Variants in SORCS3 observed in about 807,000 individuals in gnomAD.
The protein encoded by SORCS3 is VPS10 domain-containing receptor SorCS3.
SORCS3 carries 57 observed loss-of-function variants against 146.3 expected under a neutral mutation model. That is an observed-to-expected ratio of 0.39 (90% CI 0.31 to 0.49). The LOEUF is 0.49. Among genes scored for constraint, SORCS3 ranks in the 20% least tolerant of loss-of-function variants. SORCS3 has a pLI of 0.92. For synonymous variants in SORCS3, 653 were observed against 618.5 expected, an observed-to-expected ratio of 1.06 and a Z score of -0.83; for missense variants, 1,341 against 1,575.5, an observed-to-expected ratio of 0.85 and a Z score of 2.52.
chr10:104,815,225 C>G (rs898566540), intron 1 of SORCS3, among the ~76,000 whole-genome samples: 2 of 152,048 alleles, frequency 1.3e-5, no homozygotes, highest in Non-Finnish European at 2.9e-5. Context: ...TTCAGGAGAC[C>G]GAGGCCAGTG....
At chr10:105,131,587 A>G (rs192968466) in intron 7 of SORCS3, among the ~76,000 whole-genome samples, 1 of 152,292 alleles carries the variant, frequency 6.6e-6, no homozygotes, top group Non-Finnish European at 1.5e-5. Flanking sequence ...CCGTGGGTGC[A>G]TTAGTCTGTT....
intron 2 of SORCS3, among the ~76,000 whole-genome samples, chr10:104,844,356 A>G (rs2018180504): frequency 6.6e-6 from 1 of 152,130 alleles, no homozygotes; most frequent in East Asian, 1.9e-4. Context: ...ACAAGCCAGA[A>G]AATTCTATCT....
chr10:104,827,991 C>G (rs936326438), intron 1 of SORCS3, among the ~76,000 whole-genome samples: 1 of 152,170 alleles, frequency 6.6e-6, no homozygotes, highest in Non-Finnish European at 1.5e-5. Context: ...TAGGGCCTTG[C>G]TCTGGATTAG....
chr10:104,738,604 C>T (rs758256846), intron 1 of SORCS3, among the ~76,000 whole-genome samples: 6 of 152,096 alleles, frequency 3.9e-5, no homozygotes, highest in South Asian at 4.2e-4. Flanking sequence ...TTATGGGTTC[C>T]GTGTTCCCTC....
At chr10:104,756,836 T>C (rs530897043) in intron 1 of SORCS3, among the ~76,000 whole-genome samples, 3 of 152,304 alleles carry the variant, frequency 2.0e-5, no homozygotes, top group Admixed American at 6.5e-5. Flanking sequence ...GTTCATGCTC[T>C]GTGCTAGTGT....
chr10:104,952,355 G>A (rs1006630286), intron 3 of SORCS3, among the ~76,000 whole-genome samples: 2 of 149,154 alleles, frequency 1.3e-5, no homozygotes, highest in Non-Finnish European at 3.0e-5. Flanking sequence ...TCAAAGTCTG[G>A]TCCACAGACC....
At chr10:105,258,771 T>TAAAA (rs1484642830) in intron 25 of SORCS3, among the ~76,000 whole-genome samples, 44 of 152,202 alleles carry the variant, frequency 2.9e-4, no homozygotes, top group African/African-American at 1.1e-3. Context: ...TCTACCTTTG[T>TAAAA]AGTTCCCAGG....
At chr10:104,947,867 G>A (rs779202188) in intron 3 of SORCS3, among the ~76,000 whole-genome samples, 1 of 152,026 alleles carries the variant, frequency 6.6e-6, no homozygotes, top group Non-Finnish European at 1.5e-5. Flanking sequence ...CTCCTGCCTC[G>A]GCCTCCCAAA....
intron 3 of SORCS3, among the ~76,000 whole-genome samples, chr10:104,959,398 C>A (rs942405179): frequency 6.6e-6 from 1 of 152,054 alleles, no homozygotes; most frequent in Non-Finnish European, 1.5e-5. Flanking sequence ...AAAGGGACCT[C>A]AGAGAACTCT....
intron 5 of SORCS3, among the ~76,000 whole-genome samples, chr10:105,087,354 G>A (rs781607414): frequency 2.0e-5 from 3 of 152,200 alleles, no homozygotes; most frequent in Non-Finnish European, 2.9e-5. Context: ...TTGAAGTCAG[G>A]TATACCTATG....
intron 1 of SORCS3, among the ~76,000 whole-genome samples, chr10:104,656,281 G>T (rs549960129): frequency 6.6e-6 from 1 of 152,136 alleles, no homozygotes; most frequent in Non-Finnish European, 1.5e-5. Flanking sequence ...GAGCAGAGGG[G>T]CTGGGGGATG....
chr10:104,857,622 G>C (rs2018348851), intron 2 of SORCS3, among the ~76,000 whole-genome samples: 1 of 152,142 alleles, frequency 6.6e-6, no homozygotes, highest in African/African-American at 2.4e-5. Context: ...TGTTTGAAGG[G>C]AAACAAAAAC....
chr10:104,789,310 C>T (rs1253658369), intron 1 of SORCS3, among the ~76,000 whole-genome samples: 3 of 152,194 alleles, frequency 2.0e-5, no homozygotes, highest in African/African-American at 7.2e-5. Context: ...AGTCAGAAAG[C>T]ACTCTCCTGG....
chr10:105,025,620 G>A (rs902155907), intron 4 of SORCS3, among the ~76,000 whole-genome samples: 1 of 151,992 alleles, frequency 6.6e-6, no homozygotes, highest in African/African-American at 2.4e-5. Flanking sequence ...CTCGAGCATT[G>A]CCTGGCATTT....
At chr10:104,943,257 G>A (rs530989023) in intron 3 of SORCS3, among the ~76,000 whole-genome samples, 1 of 152,252 alleles carries the variant, frequency 6.6e-6, no homozygotes, top group South Asian at 2.1e-4. Context: ...AGCCTCCTGA[G>A]TAGCTGGGAG....
At chr10:104,981,730 G>A (rs374538581) in intron 4 of SORCS3, among the ~76,000 whole-genome samples, 1 of 152,206 alleles carries the variant, frequency 6.6e-6, no homozygotes, top group East Asian at 1.9e-4. Context: ...ATGGGCACAT[G>A]CTCATGTATT....
intron 3 of SORCS3, among the ~76,000 whole-genome samples, chr10:104,956,514 G>A (rs571431847): frequency 7.2e-4 from 110 of 152,226 alleles, no homozygotes; most frequent in Non-Finnish European, 1.3e-3. Flanking sequence ...TTTGTTGAAC[G>A]TATATGTGAC....
intron 1 of SORCS3, among the ~76,000 whole-genome samples, chr10:104,806,303 A>G (rs1330384592): frequency 6.6e-6 from 1 of 152,212 alleles, no homozygotes; most frequent in Non-Finnish European, 1.5e-5. Flanking sequence ...TTTGAAGACC[A>G]GTTACAGGTG....
intron 1 of SORCS3, among the ~76,000 whole-genome samples, chr10:104,713,078 T>A (rs1436244633): frequency 6.6e-6 from 1 of 152,062 alleles, no homozygotes; most frequent in East Asian, 1.9e-4. Flanking sequence ...ACACGAAAAT[T>A]TGCACAGGGC....
Sources: gnomAD v4.1 joint callset for allele counts (sites outside exome capture counted in the v4.1 genomes callset) on GRCh38, gnomAD v4.1.1 for gene constraint, MANE v1.5 for transcripts, NCBI Gene and HGNC (gene_info 2026-07-23, HGNC 2026-07-21) for gene names.